LRRTM4: variants seen among roughly 807,000 people sequenced by gnomAD.
LRRTM4 encodes leucine-rich repeat transmembrane neuronal protein 4.
LRRTM4 carries 25 observed loss-of-function variants against 47.6 expected under a neutral mutation model. That is an observed-to-expected ratio of 0.53 (90% CI 0.38 to 0.73). The LOEUF (loss-of-function observed/expected upper bound fraction) is 0.73, where lower values mean the gene tolerates loss of function less well. Ranked by LOEUF, LRRTM4 falls within the 30% of genes least tolerant of loss-of-function variation. The pLI is 0.00. For missense variants in LRRTM4, 638 were observed against 713.4 expected (o/e 0.89, Z 1.20); for synonymous variants, 311 against 269.5 (o/e 1.15, Z -1.51).
chr2:77,342,673 A>G (rs1671415182), intron 3 of LRRTM4, among the ~76,000 whole-genome samples: 2 of 152,018 alleles, frequency 1.3e-5, no homozygotes, highest in South Asian at 4.1e-4. Flanking sequence ...TCTTCCAGAG[A>G]ACAGTCATTT....
intron 3 of LRRTM4, among the ~76,000 whole-genome samples, chr2:77,218,849 T>C (rs182332862): frequency 3.9e-5 from 6 of 152,278 alleles, no homozygotes; most frequent in African/African-American, 1.4e-4. Flanking sequence ...AGACTGAGCA[T>C]TGTTGATGCT....
intron 3 of LRRTM4, among the ~76,000 whole-genome samples, chr2:76,842,558 T>C (rs1671715284): frequency 6.6e-6 from 1 of 152,202 alleles, no homozygotes; most frequent in Admixed American, 6.5e-5. Flanking sequence ...ATTAGCCTAC[T>C]GTTAGGCAGA....
chr2:77,114,149 G>A (rs1393985803), intron 3 of LRRTM4, among the ~76,000 whole-genome samples: 2 of 152,058 alleles, frequency 1.3e-5, no homozygotes, highest in African/African-American at 2.4e-5. Flanking sequence ...ACTGCAGGGG[G>A]TCACGGGATT....
chr2:77,139,257 A>T (rs1278817338), intron 3 of LRRTM4, among the ~76,000 whole-genome samples: 2 of 152,200 alleles, frequency 1.3e-5, no homozygotes, highest in Non-Finnish European at 2.9e-5. Flanking sequence ...CCAGCAGCGC[A>T]TCAAAAAGCT....
intron 3 of LRRTM4, among the ~76,000 whole-genome samples, chr2:77,117,537 A>G (rs35470951): frequency 0.016 from 2,453 of 151,808 alleles, 33 homozygotes; most frequent in African/African-American, 0.039. Context: ...CCCAAAACCT[A>G]TCTGCTCCAT....
chr2:76,803,784 A>G (rs951112659), intron 3 of LRRTM4, among the ~76,000 whole-genome samples: 3 of 152,174 alleles, frequency 2.0e-5, no homozygotes, highest in African/African-American at 2.4e-5. Context: ...TTCCTTCACC[A>G]TAACTAATAA....
At chr2:77,015,657 G>A (rs1480288946) in intron 3 of LRRTM4, among the ~76,000 whole-genome samples, 5 of 134,718 alleles carry the variant, frequency 3.7e-5, no homozygotes, top group Admixed American at 7.5e-5. Context: ...CATTGCCACT[G>A]GATGTATTTT....
At chr2:77,064,806 C>T (rs879900351) in intron 3 of LRRTM4, among the ~76,000 whole-genome samples, 7 of 152,018 alleles carry the variant, frequency 4.6e-5, no homozygotes, top group African/African-American at 9.7e-5. Context: ...TTTGGATATG[C>T]TATCTGGGCC....
In LRRTM4 at chr2:77,519,902, G is replaced by A. The variant is rs1267829580; in HGVS notation, c.5-38C>T. 1.3e-6 allele frequency: 2 copies of A among 1,510,836 alleles called. No homozygotes were observed. The highest frequency in any genetic ancestry group is 2.3e-5 in the Admixed American group (1 of 44,404). 93.6% of individuals were successfully genotyped at this position (1,510,836 alleles called of 1,614,324 possible). A position where few individuals can be genotyped will look rare whatever the true frequency, so the allele number is the denominator to read the frequency against. On this transcript the variant is annotated intron_variant, in intron 2 of 3. Transcript: ENST00000409884. This position sits in a 1 kb window ranked among gnomAD's most constrained non-coding sequence, Gnocchi z 4.6. ...AAAAAAGACAGATGCACATTGTGAA[G>A]CTATTAAAATAAATCACCGTCGGTT...
intron 3 of LRRTM4, among the ~76,000 whole-genome samples, chr2:77,384,301 A>C (rs1045411934): frequency 2.0e-5 from 3 of 152,012 alleles, no homozygotes; most frequent in Admixed American, 2.0e-4. Context: ...GAAACAAAAA[A>C]ATAAGGTTTC....
chr2:77,178,646 T>G (rs1673266571), intron 3 of LRRTM4, among the ~76,000 whole-genome samples: 1 of 152,160 alleles, frequency 6.6e-6, no homozygotes, highest in Non-Finnish European at 1.5e-5. Flanking sequence ...ACTGTTTCCC[T>G]ATTTCATATA....
intron 3 of LRRTM4, among the ~76,000 whole-genome samples, chr2:76,810,590 T>C (rs1670704043): frequency 2.0e-5 from 3 of 152,114 alleles, no homozygotes; most frequent in Admixed American, 1.3e-4. Context: ...AAACAAAAAA[T>C]GTCTAAATAT....
intron 3 of LRRTM4, among the ~76,000 whole-genome samples, chr2:77,117,227 T>C (rs958679948): frequency 6.6e-6 from 1 of 152,072 alleles, no homozygotes; most frequent in Admixed American, 6.6e-5. Flanking sequence ...TATTTTGACA[T>C]ATGTTTTCAA....
intron 3 of LRRTM4, among the ~76,000 whole-genome samples, chr2:76,928,438 C>A (rs1293374268): frequency 6.6e-6 from 1 of 152,088 alleles, no homozygotes; most frequent in East Asian, 1.9e-4. Flanking sequence ...TCAAATTCTG[C>A]AGCGTGCCTA....
intron 3 of LRRTM4, among the ~76,000 whole-genome samples, chr2:77,058,495 CTT>C (rs1331496164): frequency 1.4e-5 from 2 of 147,432 alleles, no homozygotes; most frequent in African/African-American, 2.5e-5. Flanking sequence ...TTTTTCATCT[CTT>C]TCCTTCTTTC....
chr2:76,991,218 A>G (rs1676996377), intron 3 of LRRTM4, among the ~76,000 whole-genome samples: 1 of 151,720 alleles, frequency 6.6e-6, no homozygotes. Flanking sequence ...TAATGATCTA[A>G]CATTACACCT....
chr2:77,439,656 G>T (rs146018482), intron 3 of LRRTM4, among the ~76,000 whole-genome samples: 5 of 151,804 alleles, frequency 3.3e-5, no homozygotes, highest in Admixed American at 3.3e-4. Flanking sequence ...GTCCAAATAA[G>T]GTTATATTTG....
intron 3 of LRRTM4, among the ~76,000 whole-genome samples, chr2:77,222,695 C>T (rs570367342): frequency 1.4e-4 from 22 of 152,004 alleles, no homozygotes; most frequent in Non-Finnish European, 2.6e-4. Flanking sequence ...TAACAGGCTC[C>T]GAAATTGAGG....
intron 3 of LRRTM4, among the ~76,000 whole-genome samples, chr2:77,170,613 G>A (rs988929484): frequency 1.3e-5 from 2 of 152,048 alleles, no homozygotes; most frequent in Admixed American, 6.6e-5. Context: ...ACTAATACAT[G>A]GTCATTTTTC....
Sources: gnomAD v4.1 joint callset for allele counts (sites outside exome capture counted in the v4.1 genomes callset) on GRCh38, gnomAD v4.1.1 for gene constraint, Gnocchi (gnomAD v3.1) non-coding constraint, MANE v1.5 for transcripts, NCBI Gene and HGNC (gene_info 2026-07-23, HGNC 2026-07-21) for gene names.